Variants in ALG12 observed in about 807,000 individuals in gnomAD.
ALG12 encodes dol-P-Man:Man(7)GlcNAc(2)-PP-Dol alpha-1,6-mannosyltransferase.
A neutral mutation model predicts 46.0 loss-of-function variants in ALG12; 36 were observed. The ratio of observed to expected loss-of-function variants is 0.78; its 90% CI spans 0.60 to 1.03. The LOEUF is 1.03. ALG12 is among the 50% of genes least tolerant of loss of function. The pLI, the probability that ALG12 is intolerant of heterozygous loss-of-function variation, is 0.00. For missense variants in ALG12, 599 were observed against 633.5 expected (o/e 0.95, Z 0.58); for synonymous variants, 326 against 291.6 (o/e 1.12, Z -1.20).
intron 1 of ALG12, among the ~76,000 whole-genome samples, chr22:49,914,875 G>C (rs1282194675): frequency 6.6e-6 from 1 of 152,210 alleles, no homozygotes; most frequent in Non-Finnish European, 1.5e-5. Flanking sequence ...CTACAGGTGT[G>C]GGTCACCACA....
At chr22:49,867,559 C>T in the ALG12 span, among the ~76,000 whole-genome samples, 5 of 152,198 alleles carry the variant, frequency 3.3e-5, no homozygotes, top group African/African-American at 1.2e-4. Context: ...TGCCCCAGAT[C>T]GGACCTTGGA....
chr22:49,867,145 G>A, the ALG12 span, among the ~76,000 whole-genome samples: 1 of 152,150 alleles, frequency 6.6e-6, no homozygotes, highest in South Asian at 2.1e-4. Flanking sequence ...TTTACCTCAC[G>A]GTTTGTTTTT....
Position 49,900,745 on chromosome 22 carries a change from G to C in ALG12, c.*3093C>G, listed in dbSNP as rs1445164082. 1.3e-5 allele frequency: 2 copies of C among 152,320 alleles called. No homozygotes were observed. The highest frequency in any genetic ancestry group is 1.5e-5 in the Non-Finnish European group (1 of 68,106). 9.4% of individuals were successfully genotyped at this position (152,320 alleles called of 1,614,324 possible). A position where few individuals can be genotyped will look rare whatever the true frequency, so the allele number is the denominator to read the frequency against. On this transcript the variant is annotated 3_prime_UTR_variant, in exon 10 of 10. Transcript: ENST00000330817. ...GAGATGGGGGGTGGGGGAGAACCGTGCAAGGTGGGACGGAATCCAGGCACG... is the reference window on the plus strand; with the variant it reads ...GAGATGGGGGGTGGGGGAGAACCGTCCAAGGTGGGACGGAATCCAGGCACG...
rs893272339 is a variant in ALG12 at position 49,901,932 on chromosome 22, T to A, written c.*1906A>T. On this transcript the variant is annotated 3_prime_UTR_variant, in exon 10 of 10. Transcript: ENST00000330817. ...TGGTAATGTGCACGCATGCACTGTG[T>A]GTATGCACGGTAATGTGCACGTGTG... The A allele has an allele frequency of 3.6e-5, 5 of 139,452 alleles. No homozygotes were observed. The highest frequency in any genetic ancestry group is 1.4e-4 in the African/African-American group (5 of 35,854). The allele number at this position is 139,452 out of a possible 1,614,324, so 8.6% of individuals were successfully genotyped here. A position where few individuals can be genotyped will look rare whatever the true frequency, so the allele number is the denominator to read the frequency against.
At chr22:49,910,324 A>C (rs1196937690) in intron 4 of ALG12, 110 bp downstream of exon 4, 2 of 1,430,816 alleles carry the variant, frequency 1.4e-6, no homozygotes, top group Non-Finnish European at 1.9e-6. Context: ...TGAGGAACCC[A>C]GTGGGGAATG....
intron 1 of ALG12, among the ~76,000 whole-genome samples, chr22:49,916,458 G>C (rs1271320862): frequency 6.6e-6 from 1 of 152,004 alleles, no homozygotes; most frequent in African/African-American, 2.4e-5. Flanking sequence ...GTGTGCGCCT[G>C]TAATCCCAAC....
chr22:49,903,674 TG>T lies in ALG12; in HGVS notation c.*163del. ...TGGTGCTGAGAGCCCCAGCTGAGGC[TG>T]TGGAGGAGGCCCTGGACCTGGTCTG... On this transcript the variant is annotated 3_prime_UTR_variant, in exon 10 of 10. Coordinates refer to ENST00000330817, the MANE Select transcript of ALG12 (RefSeq NM_024105.4). The T allele has an allele frequency of 1.2e-6, 1 of 815,216 alleles. No individual in the cohort carries two copies. Among genetic ancestry groups the T allele is most frequent in the Non-Finnish European group, 2.1e-6 (1 of 487,466 alleles). The allele number at this position is 815,216 out of a possible 1,614,324, so 50.5% of individuals were successfully genotyped here. A position where few individuals can be genotyped will look rare whatever the true frequency, so the allele number is the denominator to read the frequency against.
At chr22:49,896,090 G>A (rs547718111), downstream of ALG12, among the ~76,000 whole-genome samples, 3 of 152,334 alleles carry the variant, frequency 2.0e-5, no homozygotes, top group South Asian at 2.1e-4. Flanking sequence ...TTCAGTGACT[G>A]TTGCTGCACC....
In ALG12 at chr22:49,905,493, G is replaced by A. The variant is rs988434012; in HGVS notation, c.993-987C>T. ...GTGGAGCCCTCAGGAATGGATTAGC[G>A]CCATCCCCTCCATGCTGTTCTCCTC... is the stretch of plus-strand genomic sequence containing the variant. On this transcript the variant is annotated intron_variant, in intron 7 of 9. Transcript: ENST00000330817. This position sits in a 1 kb window ranked among gnomAD's most constrained non-coding sequence, Gnocchi z 4.9. Among the ~76,000 whole-genome samples, 11 of 152,158 alleles carry A rather than the reference G, an allele frequency of 7.2e-5. No individual in the cohort carries two copies. The highest frequency in any genetic ancestry group is 9.7e-5 in the African/African-American group (4 of 41,434).
intron 3 of ALG12, 103 bp downstream of exon 3, chr22:49,913,282 T>C: frequency 6.4e-7 from 1 of 1,562,564 alleles, no homozygotes; most frequent in African/African-American, 1.3e-5. Flanking sequence ...CAGGCAAGAC[T>C]AACAGACAGC....
At position 49,906,984 on chromosome 22, in the gene ALG12, A is replaced by G. The variant is rs986661588; in HGVS notation, c.992+737T>C. ...GGCAGTGCCCTCCCCAGGCCCTGCC[A>G]GGCCCCCAGCTCCACCTCCATCACC... On this transcript the variant is annotated intron_variant, in intron 7 of 9. Transcript: ENST00000330817. The surrounding 1 kb of genome is among the most constrained non-coding windows in gnomAD (Gnocchi z 4.4). 1.3e-5 allele frequency among the ~76,000 whole-genome samples: 2 copies of G among 151,906 alleles called. No individual in the cohort carries two copies. The highest frequency in any genetic ancestry group is 1.3e-4 in the Admixed American group (2 of 15,256).
At chr22:49,873,289 G>A in the ALG12 span, among the ~76,000 whole-genome samples, 1 of 152,232 alleles carries the variant, frequency 6.6e-6, no homozygotes. Context: ...ACTTGAACAT[G>A]TAGAGGATTA....
intron 7 of ALG12, among the ~76,000 whole-genome samples, chr22:49,907,152 C>T (rs1341294146): frequency 1.3e-5 from 2 of 152,190 alleles, no homozygotes; most frequent in Non-Finnish European, 1.5e-5. Flanking sequence ...CCTTGACAAA[C>T]GCCCTCAAGC....
the ALG12 span, among the ~76,000 whole-genome samples, chr22:49,878,457 A>G: frequency 2.0e-5 from 3 of 152,222 alleles, no homozygotes; most frequent in African/African-American, 7.2e-5. Flanking sequence ...ATCCACACAT[A>G]TGCGAGCAAC....
At chr22:49,896,219 G>A (rs1311366662), downstream of ALG12, among the ~76,000 whole-genome samples, 1 of 152,226 alleles carries the variant, frequency 6.6e-6, no homozygotes, top group Non-Finnish European at 1.5e-5. Flanking sequence ...CAGGGCCCTG[G>A]GCCTCAGTTT....
At chr22:49,871,112 T>TA in the ALG12 span, among the ~76,000 whole-genome samples, 2 of 61,660 alleles carry the variant, frequency 3.2e-5, no homozygotes, top group African/African-American at 6.8e-5. Context: ...GGCTAATATA[T>TA]TTTTTTTTAG....
the ALG12 span, chr22:49,886,485 G>A: frequency 6.4e-7 from 1 of 1,569,424 alleles, no homozygotes; most frequent in Non-Finnish European, 8.7e-7. This position sits in a 1 kb window ranked among gnomAD's most constrained non-coding sequence, Gnocchi z 7.7. Flanking sequence ...AGCCCTTCGA[G>A]GCTGCGAGCC....
chr22:49,876,212 G>C, the ALG12 span, among the ~76,000 whole-genome samples: 4 of 152,082 alleles, frequency 2.6e-5, no homozygotes, highest in Non-Finnish European at 5.9e-5. Flanking sequence ...AGTCTGTCTT[G>C]GTGAAGGTTT....
At chr22:49,910,944 A>G (rs1687475692) in intron 3 of ALG12, among the ~76,000 whole-genome samples, 4 of 152,182 alleles carry the variant, frequency 2.6e-5, no homozygotes, top group Admixed American at 2.6e-4. Flanking sequence ...CTCCAGGGGA[A>G]ATGTTTGCAA....
Sources: allele counts gnomAD v4.1 joint callset (sites outside exome capture counted in the v4.1 genomes callset), GRCh38; gene constraint gnomAD v4.1.1; non-coding constraint Gnocchi (gnomAD v3.1); transcripts MANE v1.5; gene names NCBI Gene and HGNC (gene_info 2026-07-23, HGNC 2026-07-21).